Variants in PEX1 observed in about 807,000 individuals in gnomAD.
PEX1 encodes peroxisomal ATPase PEX1.
A neutral mutation model predicts 152.5 loss-of-function variants in PEX1; 97 were observed. The observed-to-expected ratio is 0.64, with a 90% confidence interval of 0.54 to 0.75. The LOEUF (loss-of-function observed/expected upper bound fraction) is 0.75. Among genes scored for constraint, PEX1 ranks in the 30% least tolerant of loss-of-function variants. The probability of loss-of-function intolerance (pLI) is 0.00; values close to 1 mark genes in which losing one functional copy is unlikely to be tolerated. For synonymous variants in PEX1, 485 were observed against 531.6 expected (o/e 0.91, Z 1.21); for missense variants, 1,357 against 1,516.3 (o/e 0.89, Z 1.74).
rs768428948 is a variant in PEX1 at position 92,517,989 on chromosome 7, G to C, written c.526C>G (p.Leu176Val). ...YGRLETDTKL[L>V]IQPKTRRAKE... is the part of the protein sequence containing the mutation. ...GCTCGGCGTGTCTTTGGCTGAATAAGGAGTTTGGTGTCAGTTTCCAGCCTT... is the reference window on the plus strand; with the variant it reads ...GCTCGGCGTGTCTTTGGCTGAATAACGAGTTTGGTGTCAGTTTCCAGCCTT... The change falls in exon 5 of 24, where the codon CTT (leucine) becomes GTT (valine). Residue 176 changes from leucine to valine, a missense_variant. Physicochemically the swap from Leu to Val is conservative, Grantham distance 32. Coordinates refer to ENST00000248633, the MANE Select transcript of PEX1 (RefSeq NM_000466.3). The C allele has an allele frequency of 5.0e-6, 8 of 1,613,846 alleles. No individual in the cohort carries two copies. In the South Asian group the frequency reaches 8.8e-5, roughly 18 times the overall value.
chr7:92,505,188 A>G (rs144969614), intron 11 of PEX1, among the ~76,000 whole-genome samples: 125 of 152,220 alleles, frequency 8.2e-4, no homozygotes, highest in African/African-American at 2.9e-3. Context: ...AGGCAGGCAG[A>G]TCACTTTGAG....
At chr7:92,499,116 C>T (rs1791798104) in intron 16 of PEX1, among the ~76,000 whole-genome samples, 1 of 152,194 alleles carries the variant, frequency 6.6e-6, no homozygotes, top group Non-Finnish European at 1.5e-5. Flanking sequence ...ACCCCCCACA[C>T]TGCTAGTGGG....
chr7:92,498,738 A>G (rs1791779807), intron 16 of PEX1, among the ~76,000 whole-genome samples: 2 of 152,076 alleles, frequency 1.3e-5, no homozygotes, highest in African/African-American at 2.4e-5. Flanking sequence ...TACCACACTC[A>G]CCTTATACCT....
At position 92,525,218 on chromosome 7, in the gene PEX1, C is replaced by G. The variant is rs527533980; in HGVS notation, c.130-2973G>C. Among the ~76,000 whole-genome samples, 8 of 152,296 alleles carry G rather than the reference C, an allele frequency of 5.3e-5. No individual in the cohort carries two copies. In the East Asian group the frequency reaches 1.5e-3, roughly 29 times the overall value. ...GAAGAAAGAGACAGCTAGAAAGGAGCGTCTTTTCCAGGAGTCAAATCAAAT... is the reference window on the plus strand; with the variant it reads ...GAAGAAAGAGACAGCTAGAAAGGAGGGTCTTTTCCAGGAGTCAAATCAAAT... On this transcript the variant is annotated intron_variant, in intron 1 of 23. Transcript: ENST00000248633.
rs936160615 is a variant in PEX1, at chr7:92,522,167, C to T, written c.208G>A (p.Gly70Ser). ...CTGTTAATTTCAGCCACATTTTCAC[C>T]TTGATCACTAAAATGCCTGCCTTCC... The part of the protein sequence containing the change: ...WVEGRHFSDQ[G>S]ENVAEINRQV... The change falls in exon 2 of 24, where the codon GGT becomes AGT. Residue 70 changes from glycine (G) to serine (S), a missense_variant. Coordinates refer to ENST00000248633, the MANE Select transcript of PEX1 (RefSeq NM_000466.3). 6.2e-7 allele frequency: 1 copy of T among 1,613,970 alleles called. No homozygotes were observed. Among genetic ancestry groups the T allele is most frequent in the African/African-American group, 1.3e-5 (1 of 74,900 alleles).
At chr7:92,499,675 T>C in intron 16 of PEX1, 29 bp downstream of exon 16, 1 of 1,584,084 alleles carries the variant, frequency 6.3e-7, no homozygotes, top group Non-Finnish European at 8.7e-7. Context: ...TTTACCTAAA[T>C]AAAAAAAGAA....
intron 6 of PEX1, 71 bp from the exon 7 acceptor site, chr7:92,511,774 T>C: frequency 7.2e-7 from 1 of 1,385,290 alleles, no homozygotes; most frequent in South Asian, 1.2e-5. Context: ...TATTTTAACA[T>C]CTGATCTTCC....
chr7:92,506,218 G>T, intron 11 of PEX1, 30 bp downstream of exon 11: 1 of 1,146,870 alleles, frequency 8.7e-7, no homozygotes, highest in South Asian at 1.2e-5. Context: ...ATGAAAAAGG[G>T]ATTTATATAG....
At chr7:92,487,564 T>A in intron 23 of PEX1, 23 bp from the exon 24 acceptor site, 1 of 1,133,376 alleles carries the variant, frequency 8.8e-7, no homozygotes, top group Non-Finnish European at 1.3e-6. Flanking sequence ...AGAGATAATT[T>A]AATATGTATA....
In PEX1 at chr7:92,506,488, T is replaced by A. The variant is rs6465359; in HGVS notation, c.1804-144A>T. On this transcript the variant is annotated intron_variant, in intron 10 of 23. Coordinates refer to ENST00000248633, the MANE Select transcript of PEX1 (RefSeq NM_000466.3). The stretch of plus-strand genomic sequence containing the variant: ...AAAGAAGAGGAGAGAATACTTCCCA[T>A]CTCATTTTATGAGGCCAGATTTACA... 609,017 of 663,490 alleles carry A rather than the reference T, an allele frequency of 0.92. 279,716 individuals are homozygous for A. Among genetic ancestry groups the A allele is most frequent in the East Asian group, 0.96 (35,371 of 36,678 alleles). 41.1% of individuals were successfully genotyped at this position (663,490 alleles called of 1,614,324 possible). A position where few individuals can be genotyped will look rare whatever the true frequency, so the allele number is the denominator to read the frequency against.
intron 12 of PEX1, among the ~76,000 whole-genome samples, chr7:92,504,209 A>G (rs1342848265): frequency 6.6e-6 from 1 of 151,982 alleles, no homozygotes; most frequent in East Asian, 1.9e-4. Flanking sequence ...GTATGCTGTC[A>G]TCTCCTTGTT....
chr7:92,526,975 T>C (rs1793296180), intron 1 of PEX1, among the ~76,000 whole-genome samples: 1 of 152,192 alleles, frequency 6.6e-6, no homozygotes, highest in African/African-American at 2.4e-5. Flanking sequence ...AATAAATGTA[T>C]AGATTTATGG....
chr7:92,492,398 C>T (rs980007715), intron 20 of PEX1, among the ~76,000 whole-genome samples: 1 of 152,174 alleles, frequency 6.6e-6, no homozygotes, highest in Non-Finnish European at 1.5e-5. Flanking sequence ...TCAAACTAGG[C>T]CCAAATGATC....
rs1791561085 is a variant in PEX1, at chr7:92,494,683, G to C, written c.2784-54C>G. ...TGAATCAGGCTTCATAGTTGGCAAA[G>C]TGATTTCATATACATATATGAATGT... On this transcript the variant is annotated intron_variant, in intron 17 of 23. Coordinates refer to ENST00000248633, the MANE Select transcript of PEX1 (RefSeq NM_000466.3). The C allele has an allele frequency of 3.3e-6, 5 of 1,494,556 alleles. No homozygotes were observed. The South Asian group carries it at 5.7e-5, about 17-fold the overall frequency. 92.6% of individuals were successfully genotyped at this position (1,494,556 alleles called of 1,614,324 possible).
chr7:92,510,479 AT>A (rs1678670585), intron 8 of PEX1, among the ~76,000 whole-genome samples: 1 of 151,414 alleles, frequency 6.6e-6, no homozygotes, highest in South Asian at 2.1e-4. Context: ...AAAAAAAAAA[AT>A]AATAATATAA....
rs116707604 is a variant in PEX1, at chr7:92,517,020, G to A, written c.1239+256C>T. On this transcript the variant is annotated intron_variant, in intron 5 of 23. Transcript: ENST00000248633. ...TTGTAACACTAGCTATGCAATCTCA[G>A]GCAAGTAATTTTGACCTCTCTGGCC... Among the ~76,000 whole-genome samples, 550 of 152,288 alleles carry A rather than the reference G, an allele frequency of 3.6e-3. 5 individuals are homozygous for A. Among genetic ancestry groups the A allele is most frequent in the African/African-American group, 8.3e-3 (345 of 41,544 alleles).
intron 1 of PEX1, among the ~76,000 whole-genome samples, chr7:92,522,995 T>C (rs967466165): frequency 6.6e-6 from 1 of 152,194 alleles, no homozygotes; most frequent in Non-Finnish European, 1.5e-5. Context: ...TATGGGAATA[T>C]AGGTTTTAAA....
At chr7:92,490,309 G>A (rs968675533) in intron 21 of PEX1, 1 of 224,298 alleles carries the variant, frequency 4.5e-6, no homozygotes, top group African/African-American at 2.4e-5. Context: ...TACTGTTCTT[G>A]GGAATAAAAA....
intron 6 of PEX1, 129 bp downstream of exon 6, chr7:92,513,719 T>C (rs1385616355): frequency 1.5e-6 from 1 of 675,838 alleles, no homozygotes; most frequent in East Asian, 2.8e-5. Context: ...ATGTTATATA[T>C]AGTTTAACAC....
Sources: allele counts gnomAD v4.1 joint callset (sites outside exome capture counted in the v4.1 genomes callset), GRCh38; gene constraint gnomAD v4.1.1; transcripts MANE v1.5; gene names NCBI Gene and HGNC (gene_info 2026-07-23, HGNC 2026-07-21).